ANKRD44: variants seen among roughly 807,000 people sequenced by gnomAD.
ANKRD44 encodes serine/threonine-protein phosphatase 6 regulatory ankyrin repeat subunit B.
A neutral mutation model predicts 116.0 loss-of-function variants in ANKRD44; 35 were observed. The ratio of observed to expected loss-of-function variants is 0.30; its 90% CI spans 0.23 to 0.40. The LOEUF (loss-of-function observed/expected upper bound fraction) is 0.40, where lower values mean the gene tolerates loss of function less well. Among genes scored for constraint, ANKRD44 ranks in the 10% least tolerant of loss-of-function variants. ANKRD44 has a pLI of 1.00. For synonymous variants in ANKRD44, 435 were observed against 461.8 expected, an observed-to-expected ratio of 0.94 and a Z score of 0.74; for missense variants, 1,014 against 1,242.6, an observed-to-expected ratio of 0.82 and a Z score of 2.77.
At chr2:196,995,261 C>T in intron 26 of ANKRD44, 118 bp downstream of exon 26, 1 of 587,666 alleles carries the variant, frequency 1.7e-6, no homozygotes, top group Non-Finnish European at 2.9e-6. Flanking sequence ...GAAGCCAGGA[C>T]TGCATCTTTC....
At chr2:197,223,443 T>A (rs2081630000) in intron 1 of ANKRD44, among the ~76,000 whole-genome samples, 2 of 152,356 alleles carry the variant, frequency 1.3e-5, no homozygotes. Context: ...CATTATTATG[T>A]TTTGGGGATT....
At chr2:197,136,535 A>C in intron 4 of ANKRD44, 57 bp downstream of exon 4, 1 of 1,522,114 alleles carries the variant, frequency 6.6e-7, no homozygotes, top group Non-Finnish European at 9.1e-7. Flanking sequence ...TTCGCTAGCA[A>C]GACTTTTTCT....
intron 15 of ANKRD44, among the ~76,000 whole-genome samples, chr2:197,080,488 C>T (rs998478952): frequency 3.9e-5 from 6 of 152,218 alleles, no homozygotes; most frequent in African/African-American, 1.4e-4. Flanking sequence ...CTTGTCCCCT[C>T]CCTCTCTATC....
At chr2:197,091,138 C>A (rs1226828755) in intron 10 of ANKRD44, among the ~76,000 whole-genome samples, 1 of 152,236 alleles carries the variant, frequency 6.6e-6, no homozygotes, top group Non-Finnish European at 1.5e-5. Context: ...TTTAAGCCAA[C>A]CGTGGACGGC....
intron 20 of ANKRD44, 100 bp downstream of exon 20, chr2:197,007,706 A>G: frequency 2.5e-6 from 2 of 796,104 alleles, no homozygotes; most frequent in Admixed American, 4.5e-5. Flanking sequence ...ATTTTTTGCT[A>G]AAAATCCAAT....
intron 5 of ANKRD44, 129 bp downstream of exon 5, chr2:197,125,708 A>C: frequency 9.0e-7 from 1 of 1,105,104 alleles, no homozygotes; most frequent in Admixed American, 2.1e-5. Flanking sequence ...AGAATGATAT[A>C]GATGCTGAAG....
In ANKRD44 at chr2:196,995,583, C is replaced by T. The variant is rs539739950; in HGVS notation, c.2749-122G>A. On this transcript the variant is annotated intron_variant, in intron 25 of 27. Transcript: ENST00000282272. The stretch of plus-strand genomic sequence containing the variant: ...GTCTGCCTAAGAACATTCTATAGGG[C>T]TATTTTCTGAGTAATTTTTTTTCTT... The T allele has an allele frequency of 3.3e-5, 22 of 665,174 alleles. No homozygotes were observed. The East Asian group carries it at 5.7e-4, about 17-fold the overall frequency. The allele number at this position is 665,174 out of a possible 1,614,324, so 41.2% of individuals were successfully genotyped here. A position where few individuals can be genotyped will look rare whatever the true frequency, so the allele number is the denominator to read the frequency against.
chr2:197,099,965 G>A (rs56077856), intron 9 of ANKRD44, 35 bp from the exon 10 acceptor site: 246,671 of 1,565,758 alleles, frequency 0.16, 20,122 homozygotes, highest in Middle Eastern at 0.18. Flanking sequence ...ATAACGCAAG[G>A]ATTCAGGTTG....
chr2:197,273,980 A>C (rs12615039), intron 1 of ANKRD44, among the ~76,000 whole-genome samples: 1 of 43,930 alleles, frequency 2.3e-5, no homozygotes, highest in African/African-American at 1.0e-4. Context: ...AAAAAAAAAA[A>C]ATATATATAT....
chr2:197,304,243 G>A (rs1434463974), intron 1 of ANKRD44, among the ~76,000 whole-genome samples: 1 of 152,164 alleles, frequency 6.6e-6, no homozygotes, highest in Non-Finnish European at 1.5e-5. Context: ...GGAGGGGGTC[G>A]GCGGGGGTTG....
chr2:197,054,178 T>A (rs1051618893), intron 16 of ANKRD44, among the ~76,000 whole-genome samples: 4 of 152,240 alleles, frequency 2.6e-5, no homozygotes, highest in Non-Finnish European at 4.4e-5. Flanking sequence ...AAACACTTAA[T>A]GAAATTCTTA....
Position 196,999,031 on chromosome 2 carries a change from T to C in ANKRD44, c.2541A>G (p.Ala847=). The part of the protein sequence containing the change: ...DKGRTPLHAA[A]FADHVECLQL... ...GCAAGCACTCCACATGATCAGCAAA[T>C]GCTGCCGCATGAAGGGGTGTCCTAA... Residue 847 remains alanine (A), a synonymous_variant, in exon 24 of 28, where the codon GCA becomes GCG. Transcript: ENST00000282272. The C allele has an allele frequency of 6.2e-7, 1 of 1,614,106 alleles. No homozygotes were observed. Among genetic ancestry groups the C allele is most frequent in the Non-Finnish European group, 8.5e-7 (1 of 1,179,994 alleles).
At chr2:196,979,624 T>C (rs144967550) in intron 21 of ANKRD44, among the ~76,000 whole-genome samples, 4,800 of 141,494 alleles carry the variant, frequency 0.034, 272 homozygotes, top group African/African-American at 0.12. Context: ...AGTGCAGTGA[T>C]GCAATCTCGG....
At chr2:197,018,396 T>C (rs1433382482) in intron 17 of ANKRD44, among the ~76,000 whole-genome samples, 1 of 152,100 alleles carries the variant, frequency 6.6e-6, no homozygotes, top group Non-Finnish European at 1.5e-5. Context: ...TAGCTGCATG[T>C]CCCCCTCTGG....
intron 16 of ANKRD44, among the ~76,000 whole-genome samples, chr2:197,039,498 G>A (rs1163740619): frequency 6.6e-6 from 1 of 152,174 alleles, no homozygotes; most frequent in Non-Finnish European, 1.5e-5. Flanking sequence ...TTAAGGGAAT[G>A]GCCTAGACCA....
chr2:197,132,806 AC>A (rs752118622), intron 4 of ANKRD44, among the ~76,000 whole-genome samples: 9 of 152,306 alleles, frequency 5.9e-5, no homozygotes, highest in South Asian at 2.1e-4. Context: ...CAAAAAAAAA[AC>A]AATTCTTTTC....
chr2:197,156,588 A>T (rs2079821382), intron 2 of ANKRD44, among the ~76,000 whole-genome samples: 1 of 152,258 alleles, frequency 6.6e-6, no homozygotes, highest in East Asian at 1.9e-4. Flanking sequence ...TAAGCTAGGT[A>T]TCGTACCCTT....
At chr2:196,969,808 A>G (rs769584187) in intron 21 of ANKRD44, among the ~76,000 whole-genome samples, 27 of 152,360 alleles carry the variant, frequency 1.8e-4, no homozygotes, top group Non-Finnish European at 3.5e-4. Context: ...AATAGTGTTC[A>G]GAACCAGCTC....
intron 1 of ANKRD44, among the ~76,000 whole-genome samples, chr2:197,246,350 C>CTTGTTTTT (rs2082190794): frequency 1.5e-5 from 1 of 65,876 alleles, no homozygotes; most frequent in African/African-American, 6.7e-5. Flanking sequence ...CTACATCTGG[C>CTTGTTTTT]TTTTTTTTTT....
Sources: gnomAD v4.1 joint callset for allele counts (sites outside exome capture counted in the v4.1 genomes callset) on GRCh38, gnomAD v4.1.1 for gene constraint, MANE v1.5 for transcripts, NCBI Gene and HGNC (gene_info 2026-07-23, HGNC 2026-07-21) for gene names.